Variants in IGF2BP3 observed in about 807,000 individuals in gnomAD.
The protein encoded by IGF2BP3 is insulin-like growth factor 2 mRNA-binding protein 3.
IGF2BP3 carries 9 observed loss-of-function variants against 73.8 expected under a neutral mutation model. The observed-to-expected ratio is 0.12, with a 90% CI of 0.07 to 0.21. The LOEUF (loss-of-function observed/expected upper bound fraction) is 0.21. IGF2BP3 is among the 10% of genes least tolerant of loss of function. The probability of loss-of-function intolerance (pLI) is 1.00; values close to 1 mark genes in which losing one functional copy is unlikely to be tolerated. For synonymous variants in IGF2BP3, 258 were observed against 256.7 expected (o/e 1.01, Z -0.05); for missense variants, 542 against 714.0 (o/e 0.76, Z 2.75).
intron 11 of IGF2BP3, 60 bp downstream of exon 11, chr7:23,319,078 A>G: frequency 9.6e-7 from 1 of 1,042,840 alleles, no homozygotes; most frequent in South Asian, 1.4e-5. Context: ...AGTGGCAAGA[A>G]GATTCATATT....
intron 3 of IGF2BP3, among the ~76,000 whole-genome samples, chr7:23,368,296 AAGAC>A (rs1785438142): frequency 6.6e-6 from 1 of 151,234 alleles, no homozygotes; most frequent in African/African-American, 2.4e-5. Flanking sequence ...TAGTATAGCG[AAGAC>A]AGAAAGAGAG....
chr7:23,401,385 C>T (rs143741075), intron 3 of IGF2BP3, among the ~76,000 whole-genome samples: 103 of 152,260 alleles, frequency 6.8e-4, no homozygotes, highest in Admixed American at 1.5e-3. Flanking sequence ...AGGACCCTTC[C>T]TGCCTTGTAT....
intron 8 of IGF2BP3, among the ~76,000 whole-genome samples, chr7:23,345,181 C>T (rs983070826): frequency 1.3e-5 from 2 of 152,190 alleles, no homozygotes; most frequent in Non-Finnish European, 2.9e-5. Context: ...TTTGAGTACT[C>T]TGAGTGAAAC....
chr7:23,441,976 A>G (rs1384835644), intron 2 of IGF2BP3, among the ~76,000 whole-genome samples: 1 of 151,994 alleles, frequency 6.6e-6, no homozygotes, highest in Admixed American at 6.6e-5. Context: ...AATACAAAAA[A>G]ATTAGCCGGG....
chr7:23,339,992 G>A (rs768844015), intron 10 of IGF2BP3, among the ~76,000 whole-genome samples: 1 of 152,108 alleles, frequency 6.6e-6, no homozygotes, highest in African/African-American at 2.4e-5. Context: ...AACTAGAAAT[G>A]TGTGACCTTA....
Position 23,312,770 on chromosome 7 carries a change from C to T in IGF2BP3, c.1606G>A (p.Val536Ile), listed in dbSNP as rs1005320062. 1.2e-6 allele frequency: 2 copies of T among 1,611,744 alleles called. No individual in the cohort carries two copies. The highest frequency in any genetic ancestry group is 2.7e-5 in the African/African-American group (2 of 74,860). Residue 536 changes from valine (V) to isoleucine (I), a missense_variant, in exon 14 of 15, where the codon GTT (valine) becomes ATT (isoleucine). Val to Ile is a conservative substitution (Grantham distance 29, BLOSUM62 3). Transcript: ENST00000258729. Reference protein sequence around the residue: ...DQTPDENDQVVVKITGHFYAC... With the variant: ...DQTPDENDQVIVKITGHFYAC... ...TAGAAGTGACCAGTTATTTTGACAA[C>T]CACTTGGTCATTCTCATCAGGTGTC...
chr7:23,329,869 G>T (rs574710588), intron 10 of IGF2BP3, among the ~76,000 whole-genome samples: 32 of 152,314 alleles, frequency 2.1e-4, no homozygotes, highest in African/African-American at 7.2e-4. Flanking sequence ...GAGAGGTTAA[G>T]TTATTTGCCT....
intron 10 of IGF2BP3, among the ~76,000 whole-genome samples, chr7:23,326,381 C>G (rs1784296386): frequency 6.6e-6 from 1 of 152,154 alleles, no homozygotes; most frequent in Non-Finnish European, 1.5e-5. Flanking sequence ...CATCTCACAC[C>G]AGCTAGAATG....
Position 23,368,728 on chromosome 7 carries a change from C to A in IGF2BP3, c.286-6987G>T, listed in dbSNP as rs373310711. On this transcript the variant is annotated intron_variant, in intron 3 of 14. Coordinates refer to ENST00000258729, the MANE Select transcript of IGF2BP3 (RefSeq NM_006547.3). ...GCCTGACCAACATGGAGAAACCTCGCACCTACTAAAAATACAAAATTAGCC... is the reference window on the plus strand; with the variant it reads ...GCCTGACCAACATGGAGAAACCTCGAACCTACTAAAAATACAAAATTAGCC... Among the ~76,000 whole-genome samples the A allele has an allele frequency of 2.0e-3, 305 of 151,860 alleles. 6 individuals carry two copies. In the South Asian group the frequency reaches 0.053, roughly 27 times the overall value.
chr7:23,468,908 CT>C (rs1788635681), intron 1 of IGF2BP3, among the ~76,000 whole-genome samples: 1 of 152,206 alleles, frequency 6.6e-6, no homozygotes, highest in Non-Finnish European at 1.5e-5. Flanking sequence ...GGGGGCTCCC[CT>C]GGCTTTCTTC....
intron 10 of IGF2BP3, among the ~76,000 whole-genome samples, chr7:23,326,883 C>T (rs370668526): frequency 1.5e-5 from 2 of 130,672 alleles, no homozygotes; most frequent in East Asian, 4.7e-4. Context: ...CACATGGACA[C>T]AGGAAGGGGA....
chr7:23,388,316 G>A (rs1256727521), intron 3 of IGF2BP3, among the ~76,000 whole-genome samples: 2 of 152,106 alleles, frequency 1.3e-5, no homozygotes, highest in Non-Finnish European at 1.5e-5. Flanking sequence ...GAATATACCA[G>A]GAAGAAAAAC....
chr7:23,374,679 A>G (rs60778363), intron 3 of IGF2BP3, among the ~76,000 whole-genome samples: 2,591 of 152,198 alleles, frequency 0.017, 68 homozygotes, highest in African/African-American at 0.06. Flanking sequence ...TCTGTCTCCA[A>G]TAGTGACGAT....
At chr7:23,449,610 G>A (rs1205941190) in intron 2 of IGF2BP3, among the ~76,000 whole-genome samples, 1 of 139,318 alleles carries the variant, frequency 7.2e-6, no homozygotes, top group East Asian at 2.2e-4. Flanking sequence ...TGGCTGGAGT[G>A]CAGTGGCGCA....
chr7:23,395,967 C>T (rs996307425), intron 3 of IGF2BP3, among the ~76,000 whole-genome samples: 11 of 151,282 alleles, frequency 7.3e-5, no homozygotes, highest in Non-Finnish European at 1.2e-4. Context: ...CTCAATGACC[C>T]GAGACAACAA....
At chr7:23,340,566 T>C (rs1964536) in intron 10 of IGF2BP3, among the ~76,000 whole-genome samples, 63,568 of 151,760 alleles carry the variant, frequency 0.42, 13,712 homozygotes, top group Middle Eastern at 0.48. Flanking sequence ...CCCAAATTGG[T>C]GTAAGAGGTA....
chr7:23,436,638 T>G (rs1157762065), intron 2 of IGF2BP3, among the ~76,000 whole-genome samples: 2 of 152,214 alleles, frequency 1.3e-5, no homozygotes, highest in African/African-American at 4.8e-5. Flanking sequence ...CATGACTATC[T>G]GGTAGTAAAG....
chr7:23,429,096 G>A (rs769818758), intron 2 of IGF2BP3, among the ~76,000 whole-genome samples: 1 of 152,150 alleles, frequency 6.6e-6, no homozygotes, highest in African/African-American at 2.4e-5. Context: ...AAAGTACAGA[G>A]AGACTACAAT....
chr7:23,468,886 A>G (rs1234980858), intron 1 of IGF2BP3, among the ~76,000 whole-genome samples: 1 of 152,204 alleles, frequency 6.6e-6, no homozygotes, highest in African/African-American at 2.4e-5. Flanking sequence ...TCCACAGGGC[A>G]GACTCGGGGC....
Sources: allele counts gnomAD v4.1 joint callset (sites outside exome capture counted in the v4.1 genomes callset), GRCh38; gene constraint gnomAD v4.1.1; transcripts MANE v1.5; gene names NCBI Gene and HGNC (gene_info 2026-07-23, HGNC 2026-07-21).